The following RPS6KC1 variants were observed in gnomAD, a reference collection of about 807,000 sequenced individuals.
The protein encoded by RPS6KC1 is ribosomal protein S6 kinase C1.
A neutral mutation model predicts 103.8 loss-of-function variants in RPS6KC1; 54 were observed. The observed-to-expected ratio is 0.52, with a 90% CI of 0.42 to 0.65. The LOEUF (loss-of-function observed/expected upper bound fraction) is 0.65, where lower values mean the gene tolerates loss of function less well. RPS6KC1 is among the 30% of genes least tolerant of loss of function. The pLI, the probability that RPS6KC1 is intolerant of heterozygous loss-of-function variation, is 0.00. For synonymous variants in RPS6KC1, 439 were observed against 438.7 expected, an observed-to-expected ratio of 1.00 and a Z score of -0.01; for missense variants, 1,151 against 1,253.8, an observed-to-expected ratio of 0.92 and a Z score of 1.24.
At chr1:213,526,839 G>C in the RPS6KC1 span, among the ~76,000 whole-genome samples, 5 of 152,110 alleles carry the variant, frequency 3.3e-5, no homozygotes, top group African/African-American at 9.7e-5. Flanking sequence ...TTGTGTTACT[G>C]TTTGTTCTTA....
At chr1:213,328,461 C>T in the RPS6KC1 span, among the ~76,000 whole-genome samples, 3 of 139,770 alleles carry the variant, frequency 2.1e-5, no homozygotes, top group Admixed American at 7.5e-5. Flanking sequence ...CTGAATTCAT[C>T]GTCTGTGTTC....
At chr1:213,238,241 T>C (rs2094271337) in intron 10 of RPS6KC1, among the ~76,000 whole-genome samples, 1 of 152,056 alleles carries the variant, frequency 6.6e-6, no homozygotes, top group Non-Finnish European at 1.5e-5. Flanking sequence ...AAGAAATTGG[T>C]AAAAGAGAAC....
the RPS6KC1 span, among the ~76,000 whole-genome samples, chr1:213,363,645 T>G: frequency 0.066 from 4,266 of 64,560 alleles, 298 homozygotes; most frequent in Non-Finnish European, 0.078. Flanking sequence ...TTTCTTTCTT[T>G]CTTTCTTTCT....
At chr1:213,438,918 C>T in the RPS6KC1 span, among the ~76,000 whole-genome samples, 18 of 151,730 alleles carry the variant, frequency 1.2e-4, no homozygotes, top group African/African-American at 1.5e-4. Flanking sequence ...CTCAGCCTCC[C>T]GAGTAGCTGG....
At chr1:213,425,735 G>A in the RPS6KC1 span, among the ~76,000 whole-genome samples, 4 of 152,246 alleles carry the variant, frequency 2.6e-5, no homozygotes, top group African/African-American at 9.6e-5. Context: ...AATGCAGGAG[G>A]GCTTTGCCAA....
chr1:213,105,269 A>G (rs2082375541), intron 4 of RPS6KC1, among the ~76,000 whole-genome samples: 1 of 148,650 alleles, frequency 6.7e-6, no homozygotes, highest in South Asian at 2.1e-4. Context: ...CTTATTTTGA[A>G]CTGTATCGGT....
At chr1:213,353,876 G>A in the RPS6KC1 span, among the ~76,000 whole-genome samples, 1 of 152,150 alleles carries the variant, frequency 6.6e-6, no homozygotes. Flanking sequence ...CCTATGCTGT[G>A]TTCAGAGACA....
In RPS6KC1 at chr1:213,184,495, A is replaced by G. The variant is rs544096515; in HGVS notation, c.1044+8003A>G. ...GATCTTGTATTTTTTTTTTGCCTCAATTTGATTTATTTCCCCTCTGATCTT... is the reference window on the plus strand; with the variant it reads ...GATCTTGTATTTTTTTTTTGCCTCAGTTTGATTTATTTCCCCTCTGATCTT... On this transcript the variant is annotated intron_variant, in intron 8 of 14. Transcript: ENST00000366960. Among the ~76,000 whole-genome samples, 6 of 151,280 alleles carry G rather than the reference A, an allele frequency of 4.0e-5. No individual in the cohort carries two copies. The South Asian group carries it at 8.3e-4, about 21-fold the overall frequency.
At chr1:213,728,704 G>A in the RPS6KC1 span, among the ~76,000 whole-genome samples, 798 of 152,166 alleles carry the variant, frequency 5.2e-3, 5 homozygotes, top group African/African-American at 0.018. Context: ...AAGGAGCAGA[G>A]AACTTGGGAG....
At chr1:213,772,209 C>A in the RPS6KC1 span, among the ~76,000 whole-genome samples, 1 of 152,156 alleles carries the variant, frequency 6.6e-6, no homozygotes, top group South Asian at 2.1e-4. Flanking sequence ...CTCAGAGGCC[C>A]ATTATGCAGC....
chr1:213,501,548 G>C, the RPS6KC1 span, among the ~76,000 whole-genome samples: 4 of 152,008 alleles, frequency 2.6e-5, no homozygotes, highest in Admixed American at 2.6e-4. Context: ...ATGCCAGCCT[G>C]GCAAACATGG....
At chr1:213,354,435 C>G in the RPS6KC1 span, among the ~76,000 whole-genome samples, 1 of 152,348 alleles carries the variant, frequency 6.6e-6, no homozygotes, top group South Asian at 2.1e-4. Flanking sequence ...CATTTTGTCA[C>G]TTCTTTCCCC....
chr1:213,827,885 T>A, the RPS6KC1 span, among the ~76,000 whole-genome samples: 46,545 of 151,906 alleles, frequency 0.31, 9,577 homozygotes, highest in African/African-American at 0.58. Flanking sequence ...TTAATCAATA[T>A]TTTTATTTTT....
chr1:213,343,393 A>ATG, the RPS6KC1 span, among the ~76,000 whole-genome samples: 5 of 4,140 alleles, frequency 1.2e-3, no homozygotes, highest in Non-Finnish European at 4.3e-3. Flanking sequence ...TGTTGTGTGT[A>ATG]TATATATATA....
chr1:213,211,751 T>C (rs1231230932), intron 8 of RPS6KC1, among the ~76,000 whole-genome samples: 2 of 152,352 alleles, frequency 1.3e-5, no homozygotes, highest in East Asian at 3.9e-4. Flanking sequence ...CTCATATGAA[T>C]ATGAGAGATT....
intron 1 of RPS6KC1, among the ~76,000 whole-genome samples, chr1:213,053,180 A>C (rs1280547219): frequency 6.6e-6 from 1 of 152,208 alleles, no homozygotes; most frequent in Non-Finnish European, 1.5e-5. Context: ...GTTTCCTAAC[A>C]CATAGTGTAT....
intron 4 of RPS6KC1, among the ~76,000 whole-genome samples, chr1:213,107,693 A>T (rs2082631269): frequency 6.6e-6 from 1 of 152,216 alleles, no homozygotes; most frequent in Non-Finnish European, 1.5e-5. Context: ...GCTGGATCTT[A>T]TGGTAAATTC....
At chr1:213,696,502 C>CAAAAAAAAAA in the RPS6KC1 span, among the ~76,000 whole-genome samples, 6 of 120,934 alleles carry the variant, frequency 5.0e-5, no homozygotes, top group African/African-American at 2.7e-4. Flanking sequence ...AACTCCGTCT[C>CAAAAAAAAAA]AAAAAAAAAA....
chr1:213,792,794 G>A, the RPS6KC1 span, among the ~76,000 whole-genome samples: 1 of 152,006 alleles, frequency 6.6e-6, no homozygotes, highest in Non-Finnish European at 1.5e-5. Context: ...CAACTCGGAG[G>A]TTCATTTGGG....
Sources: allele counts gnomAD v4.1 joint callset (sites outside exome capture counted in the v4.1 genomes callset), GRCh38; gene constraint gnomAD v4.1.1; transcripts MANE v1.5; gene names NCBI Gene and HGNC (gene_info 2026-07-23, HGNC 2026-07-21).